The following NBAS variants were observed in gnomAD, a reference collection of about 807,000 sequenced individuals.
NBAS encodes the protein NBAS subunit of NRZ tethering complex, also known as NAG/BC035112 fusion.
NBAS carries 219 observed loss-of-function variants against 302.5 expected under a neutral mutation model. The ratio of observed to expected loss-of-function variants is 0.72; its 90% confidence interval spans 0.65 to 0.81. The LOEUF is 0.81. Ranked by LOEUF, NBAS falls within the 30% of genes least tolerant of loss-of-function variation. NBAS has a pLI of 0.00. For missense variants in NBAS, 2,932 were observed against 2,841.6 expected, an observed-to-expected ratio of 1.03 and a Z score of -0.72; for synonymous variants, 1,118 against 1,021.6, an observed-to-expected ratio of 1.09 and a Z score of -1.80.
At chr2:15,488,484 CCCTT>C (rs1234430466) in intron 12 of NBAS, among the ~76,000 whole-genome samples, 5 of 152,130 alleles carry the variant, frequency 3.3e-5, no homozygotes, top group African/African-American at 4.8e-5. Flanking sequence ...GAAGGTAACT[CCCTT>C]CAAGGAGGCC....
the NBAS span, among the ~76,000 whole-genome samples, chr2:15,077,793 C>T: frequency 7.2e-5 from 11 of 151,900 alleles, no homozygotes; most frequent in Admixed American, 6.6e-4. Flanking sequence ...AAGTGATTCT[C>T]CTGCCTCAGC....
Position 15,167,031 on chromosome 2 carries a change from A to G in NBAS, c.*17T>C. On this transcript the variant is annotated 3_prime_UTR_variant, in exon 52 of 52. Transcript: ENST00000281513. ...CCAGATGCTTTTTCTGCTAAGGAGC[A>G]GGGCCACAGGTGGCCCTCACACCCA... 6.6e-7 allele frequency: 1 copy of G among 1,521,988 alleles called. No homozygotes were observed. The highest frequency in any genetic ancestry group is 8.8e-7 in the Non-Finnish European group (1 of 1,134,744). 94.3% of individuals were successfully genotyped at this position (1,521,988 alleles called of 1,614,324 possible). A position where few individuals can be genotyped will look rare whatever the true frequency, so the allele number is the denominator to read the frequency against.
At chr2:15,360,308 TTAAC>T (rs1673839164) in intron 32 of NBAS, among the ~76,000 whole-genome samples, 1 of 146,944 alleles carries the variant, frequency 6.8e-6, no homozygotes, top group Non-Finnish European at 1.5e-5. Flanking sequence ...CAGTAATAAG[TTAAC>T]TATAGGTTAC....
chr2:15,161,210 G>C, the NBAS span, among the ~76,000 whole-genome samples: 1 of 152,172 alleles, frequency 6.6e-6, no homozygotes, highest in African/African-American at 2.4e-5. Context: ...ATAAGTGGGG[G>C]ATACTATCTG....
chr2:15,078,022 T>C, the NBAS span, among the ~76,000 whole-genome samples: 5 of 152,154 alleles, frequency 3.3e-5, no homozygotes, highest in African/African-American at 1.2e-4. Flanking sequence ...TGAATCATGA[T>C]TTTGAAGGTT....
chr2:15,213,440 A>T (rs973437762), intron 48 of NBAS, among the ~76,000 whole-genome samples: 4 of 152,208 alleles, frequency 2.6e-5, no homozygotes, highest in African/African-American at 7.2e-5. Context: ...CAAACCCCTG[A>T]TTTCTCATCT....
chr2:14,973,079 A>G, the NBAS span, among the ~76,000 whole-genome samples: 3 of 152,172 alleles, frequency 2.0e-5, no homozygotes, highest in South Asian at 6.2e-4. Flanking sequence ...ACCCACAGGT[A>G]TTCTGGTAAT....
At chr2:15,428,870 C>T (rs991244283) in intron 21 of NBAS, among the ~76,000 whole-genome samples, 1 of 150,208 alleles carries the variant, frequency 6.7e-6, no homozygotes, top group African/African-American at 2.4e-5. Context: ...AGTGAAACCC[C>T]GTTTCTACTA....
the NBAS span, among the ~76,000 whole-genome samples, chr2:14,850,544 C>T: frequency 2.3e-5 from 2 of 86,906 alleles, no homozygotes; most frequent in African/African-American, 1.1e-4. Flanking sequence ...AACAAGGATA[C>T]CCAGGAATTG....
At position 15,553,537 on chromosome 2, in the gene NBAS, C is replaced by T. The variant is rs898224059; in HGVS notation, c.288-64G>A. 1.6e-5 allele frequency: 22 copies of T among 1,353,080 alleles called. No homozygotes were observed. In the Admixed American group the frequency reaches 3.6e-4, roughly 22 times the overall value. 83.8% of individuals were successfully genotyped at this position (1,353,080 alleles called of 1,614,324 possible). ...TGAATATCTATAGCAGTTTTCAGCA[C>T]AGATGGAATTATTTAATAAGTTAAA... On this transcript the variant is annotated intron_variant, in intron 4 of 51. Transcript: ENST00000281513.
chr2:15,557,744 TTTTCTTATCTAAAATCATA>T (rs1664714908), intron 2 of NBAS, among the ~76,000 whole-genome samples: 6 of 145,390 alleles, frequency 4.1e-5, no homozygotes, highest in African/African-American at 7.4e-5. Context: ...CTTGAGCAAG[TTTTCTTATCTAAAATCATA>T]AAGGAGTAAC....
chr2:15,408,844 C>T (rs1435647892), intron 25 of NBAS, among the ~76,000 whole-genome samples: 6 of 152,142 alleles, frequency 3.9e-5, no homozygotes, highest in Admixed American at 3.9e-4. Flanking sequence ...TGAGTTAATA[C>T]ATGTGAAATG....
At chr2:14,848,726 A>G in the NBAS span, among the ~76,000 whole-genome samples, 1 of 151,192 alleles carries the variant, frequency 6.6e-6, no homozygotes, top group Non-Finnish European at 1.5e-5. Context: ...GCAGCTGGAG[A>G]TCTGAGAACG....
chr2:15,539,470 A>C (rs1361275002), intron 6 of NBAS, 114 bp from the exon 7 acceptor site: 14 of 1,277,260 alleles, frequency 1.1e-5, no homozygotes, highest in Non-Finnish European at 1.2e-5. Flanking sequence ...GTCATCTCCT[A>C]AGGATCTCTA....
intron 51 of NBAS, among the ~76,000 whole-genome samples, chr2:15,177,303 G>A (rs541076464): frequency 7.6e-4 from 115 of 152,248 alleles, no homozygotes; most frequent in Non-Finnish European, 1.2e-3. Flanking sequence ...AAGGGACTTG[G>A]GCACTGCAGT....
chr2:15,303,388 A>C (rs1558517536), intron 40 of NBAS, among the ~76,000 whole-genome samples: 1 of 152,194 alleles, frequency 6.6e-6, no homozygotes, highest in Non-Finnish European at 1.5e-5. Flanking sequence ...CTAACGCTGA[A>C]TTGATAAAAG....
chr2:15,283,295 A>G (rs192650484), intron 42 of NBAS, among the ~76,000 whole-genome samples: 199 of 152,288 alleles, frequency 1.3e-3, no homozygotes, highest in Non-Finnish European at 2.2e-3. Flanking sequence ...AATAATCATA[A>G]TAGCCTTGAT....
intron 48 of NBAS, among the ~76,000 whole-genome samples, chr2:15,201,176 T>C (rs1431204065): frequency 6.6e-6 from 1 of 152,224 alleles, no homozygotes; most frequent in African/African-American, 2.4e-5. Context: ...AAGAGACTCA[T>C]ATAATGACAC....
At chr2:14,807,631 C>T in the NBAS span, among the ~76,000 whole-genome samples, 2 of 152,086 alleles carry the variant, frequency 1.3e-5, no homozygotes, top group Non-Finnish European at 2.9e-5. Context: ...ATTTGACACA[C>T]TTATCTATTT....
Sources: gnomAD v4.1 joint callset for allele counts (sites outside exome capture counted in the v4.1 genomes callset) on GRCh38, gnomAD v4.1.1 for gene constraint, MANE v1.5 for transcripts, NCBI Gene and HGNC (gene_info 2026-07-23, HGNC 2026-07-21) for gene names.